The following CLECL1 variants were observed in gnomAD, a reference collection of about 807,000 sequenced individuals.
CLECL1 encodes C-type lectin-like domain family 1.
downstream of CLECL1, among the ~76,000 whole-genome samples, chr12:9,713,486 C>T (rs1414515046): frequency 6.6e-6 from 1 of 152,214 alleles, no homozygotes; most frequent in Non-Finnish European, 1.5e-5. Flanking sequence ...TGGTTTCGGG[C>T]CTGGTGCTGG....
intron 2 of CLECL1, among the ~76,000 whole-genome samples, chr12:9,717,289 AATG>A (rs1473775324): frequency 6.6e-6 from 1 of 152,130 alleles, no homozygotes; most frequent in Non-Finnish European, 1.5e-5. Context: ...ACGCACCTAT[AATG>A]ATGATGGCCG....
upstream of CLECL1, chr12:9,733,096 G>A (rs1478800959): frequency 2.5e-6 from 4 of 1,589,968 alleles, no homozygotes; most frequent in Non-Finnish European, 3.4e-6. Flanking sequence ...TCATATTTCT[G>A]CAAAGAAACT....
chr12:9,712,814 C>CT (rs981492350), downstream of CLECL1, among the ~76,000 whole-genome samples: 1 of 151,976 alleles, frequency 6.6e-6, no homozygotes, highest in Non-Finnish European at 1.5e-5. Context: ...TTACATAAAG[C>CT]TTTTTTATGT....
the CLECL1 span, among the ~76,000 whole-genome samples, chr12:9,710,298 T>C: frequency 6.6e-6 from 1 of 152,162 alleles, no homozygotes; most frequent in Non-Finnish European, 1.5e-5. Context: ...ATGGCTCCGC[T>C]TTGCTAGGAA....
chr12:9,721,649 A>T (rs988130603), downstream of CLECL1, among the ~76,000 whole-genome samples: 3 of 152,212 alleles, frequency 2.0e-5, no homozygotes, highest in Non-Finnish European at 4.4e-5. Flanking sequence ...TTCATTGCGC[A>T]ATGGCTCCAA....
chr12:9,721,212 A>G (rs1866305355), downstream of CLECL1, among the ~76,000 whole-genome samples: 1 of 143,332 alleles, frequency 7.0e-6, no homozygotes, highest in Admixed American at 6.8e-5. Flanking sequence ...AGATGGACTA[A>G]TAATCCTTTT....
At chr12:9,732,169 A>T (rs1866455616) in intron 1 of CLECL1, among the ~76,000 whole-genome samples, 1 of 152,248 alleles carries the variant, frequency 6.6e-6, no homozygotes, top group Admixed American at 6.5e-5. Context: ...ATTCCTTGGA[A>T]ATACGAACAA....
chr12:9,719,599 A>C (rs764051846), downstream of CLECL1, among the ~76,000 whole-genome samples: 3 of 152,178 alleles, frequency 2.0e-5, no homozygotes, highest in East Asian at 5.8e-4. Flanking sequence ...TAAATAAATA[A>C]ATAAGCAGAG....
downstream of CLECL1, among the ~76,000 whole-genome samples, chr12:9,717,629 T>G (rs1866254678): frequency 6.6e-6 from 1 of 152,228 alleles, no homozygotes; most frequent in Non-Finnish European, 1.5e-5. Context: ...TAATTAGGCA[T>G]ACAAGTGAGA....
downstream of CLECL1, among the ~76,000 whole-genome samples, chr12:9,720,633 G>A (rs915625667): frequency 2.0e-5 from 3 of 152,062 alleles, no homozygotes; most frequent in Non-Finnish European, 2.9e-5. Flanking sequence ...GAGCCACCGC[G>A]CCCAGCCGCC....
chr12:9,730,627 G>A (rs913577208), intron 1 of CLECL1, among the ~76,000 whole-genome samples: 5 of 152,058 alleles, frequency 3.3e-5, no homozygotes, highest in African/African-American at 7.2e-5. Context: ...CAAAATTGTG[G>A]GAGTCAAGTC....
At chr12:9,705,983 A>C in the CLECL1 span, among the ~76,000 whole-genome samples, 1 of 152,070 alleles carries the variant, frequency 6.6e-6, no homozygotes, top group Non-Finnish European at 1.5e-5. Context: ...CATTTTCAAG[A>C]TCTTGATTCT....
At chr12:9,702,616 C>G in the CLECL1 span, among the ~76,000 whole-genome samples, 3 of 152,198 alleles carry the variant, frequency 2.0e-5, no homozygotes, top group Non-Finnish European at 2.9e-5. Flanking sequence ...CCACCCATAT[C>G]ACCAACACTG....
chr12:9,726,068 A>C (rs1866375636), intron 3 of CLECL1, among the ~76,000 whole-genome samples: 1 of 151,930 alleles, frequency 6.6e-6, no homozygotes, highest in Non-Finnish European at 1.5e-5. Context: ...ACAATCTTTA[A>C]TTTTTCCTTA....
At chr12:9,709,626 G>A in the CLECL1 span, among the ~76,000 whole-genome samples, 3 of 152,232 alleles carry the variant, frequency 2.0e-5, no homozygotes, top group Admixed American at 2.0e-4. Flanking sequence ...GCAGCAGAGA[G>A]ATTTAGGAAT....
At chr12:9,708,465 C>G in the CLECL1 span, among the ~76,000 whole-genome samples, 7 of 152,110 alleles carry the variant, frequency 4.6e-5, no homozygotes, top group East Asian at 1.3e-3. Context: ...AAACTTGATT[C>G]CAAGCTTCAG....
intron 1 of CLECL1, among the ~76,000 whole-genome samples, chr12:9,731,817 G>A (rs1258508577): frequency 6.6e-6 from 1 of 152,180 alleles, no homozygotes; most frequent in Non-Finnish European, 1.5e-5. Context: ...ACCATAGACA[G>A]AAAGGCAATT....
At chr12:9,709,651 A>G in the CLECL1 span, among the ~76,000 whole-genome samples, 1 of 152,218 alleles carries the variant, frequency 6.6e-6, no homozygotes, top group Admixed American at 6.5e-5. Flanking sequence ...TTTGTATCAC[A>G]TATAGCGTCA....
At chr12:9,722,918 T>G in intron 3 of CLECL1, 105 bp from the exon 2 acceptor site, 1 of 753,822 alleles carries the variant, frequency 1.3e-6, no homozygotes, top group Non-Finnish European at 2.0e-6. Context: ...TGCTAAGCTT[T>G]CTTTGAAAAA....
Sources: gnomAD v4.1 joint callset for allele counts (sites outside exome capture counted in the v4.1 genomes callset) on GRCh38, gnomAD v4.1.1 for gene constraint, MANE v1.5 for transcripts, NCBI Gene and HGNC (gene_info 2026-07-23, HGNC 2026-07-21) for gene names.